RBFOX1: variants seen among roughly 807,000 people sequenced by gnomAD.
The protein encoded by RBFOX1 is RNA binding fox-1 homolog 1, also known as RNA binding protein fox-1 homolog 1.
In RBFOX1, 8 loss-of-function variants were observed where a neutral mutation model predicts 57.7. The ratio of observed to expected loss-of-function variants is 0.14; its 90% CI spans 0.08 to 0.25. The LOEUF (loss-of-function observed/expected upper bound fraction) is 0.25. RBFOX1 is among the 10% of genes least tolerant of loss of function. The pLI is 1.00. For synonymous variants in RBFOX1, 326 were observed against 222.4 expected (o/e 1.47, Z -4.15); for missense variants, 611 against 548.5 (o/e 1.11, Z -1.14).
intron 3 of RBFOX1, among the ~76,000 whole-genome samples, chr16:5,800,213 G>T (rs1356075934): frequency 6.6e-6 from 1 of 152,166 alleles, no homozygotes; most frequent in Non-Finnish European, 1.5e-5. Context: ...ATACACCCAA[G>T]GGCCACAGGT....
In RBFOX1 at chr16:7,081,729, A is replaced by C. The variant is rs564535434; in HGVS notation, c.27+29631A>C. Among the ~76,000 whole-genome samples, 4 of 152,280 alleles carry C rather than the reference A, an allele frequency of 2.6e-5. No individual in the cohort carries two copies. In the East Asian group the frequency reaches 7.7e-4, roughly 29 times the overall value. On this transcript the variant is annotated intron_variant, in intron 4 of 15. Transcript: ENST00000550418. Reference sequence around the variant, plus strand: ...TTATTTTAAATATTTCATAATGAGTAATTTTTTAAAATTATACTGATCACC... The same window carrying C: ...TTATTTTAAATATTTCATAATGAGTCATTTTTTAAAATTATACTGATCACC...
At chr16:6,468,595 G>A (rs1292291808) in intron 2 of RBFOX1, among the ~76,000 whole-genome samples, 1 of 151,316 alleles carries the variant, frequency 6.6e-6, no homozygotes, top group Admixed American at 6.6e-5. Context: ...ATTCTCATCT[G>A]TTAAGTAGCC....
chr16:7,165,370 C>G (rs891568876), intron 4 of RBFOX1, among the ~76,000 whole-genome samples: 1 of 130,082 alleles, frequency 7.7e-6, no homozygotes, highest in Non-Finnish European at 1.6e-5. Flanking sequence ...ACTAGAGGCC[C>G]AGATCATAAC....
intron 4 of RBFOX1, among the ~76,000 whole-genome samples, chr16:7,454,647 A>T (rs1312657101): frequency 6.6e-6 from 1 of 152,244 alleles, no homozygotes; most frequent in African/African-American, 2.4e-5. Context: ...CTCTATCTAC[A>T]GGATAGCAAA....
At chr16:6,717,610 G>A (rs1237383221) in intron 3 of RBFOX1, among the ~76,000 whole-genome samples, 3 of 151,042 alleles carry the variant, frequency 2.0e-5, no homozygotes, top group Admixed American at 1.3e-4. Flanking sequence ...CCAGAAATAC[G>A]GTGATTTTTT....
chr16:6,502,929 A>T (rs2095980147), intron 2 of RBFOX1, among the ~76,000 whole-genome samples: 1 of 152,204 alleles, frequency 6.6e-6, no homozygotes, highest in East Asian at 1.9e-4. Flanking sequence ...TAGCCACTTA[A>T]AGGATGAAGT....
intron 2 of RBFOX1, among the ~76,000 whole-genome samples, chr16:6,612,939 T>C (rs1318997972): frequency 6.6e-6 from 1 of 151,742 alleles, no homozygotes; most frequent in East Asian, 1.9e-4. Flanking sequence ...CAAATTCAGT[T>C]TGACAAACAA....
At chr16:6,802,187 C>A (rs950261445) in intron 3 of RBFOX1, among the ~76,000 whole-genome samples, 2 of 152,016 alleles carry the variant, frequency 1.3e-5, no homozygotes, top group African/African-American at 2.4e-5. Context: ...TGGTTGCATC[C>A]CAGCCTTTGT....
chr16:6,266,975 A>G (rs1412448644), intron 1 of RBFOX1, among the ~76,000 whole-genome samples: 1 of 152,204 alleles, frequency 6.6e-6, no homozygotes, highest in African/African-American at 2.4e-5. Context: ...GACTGAAAGC[A>G]AATGGAGCAG....
chr16:6,010,132 C>T (rs945435354), intron 4 of RBFOX1, among the ~76,000 whole-genome samples: 1 of 152,118 alleles, frequency 6.6e-6, no homozygotes, highest in African/African-American at 2.4e-5. Flanking sequence ...TGCCCCACAC[C>T]TCGTATCCCC....
At chr16:6,779,497 C>G (rs1166170549) in intron 3 of RBFOX1, among the ~76,000 whole-genome samples, 1 of 151,304 alleles carries the variant, frequency 6.6e-6, no homozygotes, top group African/African-American at 2.4e-5. Context: ...CATATCTCTT[C>G]TATACACTAA....
At chr16:6,878,024 G>A (rs969204158) in intron 3 of RBFOX1, among the ~76,000 whole-genome samples, 24 of 152,232 alleles carry the variant, frequency 1.6e-4, no homozygotes, top group African/African-American at 5.5e-4. Context: ...TAAGGATGTT[G>A]TTGCCTCTAA....
intron 5 of RBFOX1, among the ~76,000 whole-genome samples, chr16:7,532,440 C>T (rs2080345401): frequency 6.6e-6 from 1 of 152,132 alleles, no homozygotes; most frequent in African/African-American, 2.4e-5. Context: ...GGAATTTTTC[C>T]TCTTTTGAGA....
At chr16:5,606,485 C>G (rs185835514) in intron 3 of RBFOX1, among the ~76,000 whole-genome samples, 1 of 152,036 alleles carries the variant, frequency 6.6e-6, no homozygotes, top group African/African-American at 2.4e-5. Flanking sequence ...TTCTCTCTCA[C>G]TCACCTCCTC....
intron 4 of RBFOX1, among the ~76,000 whole-genome samples, chr16:7,106,349 C>G (rs943803088): frequency 3.3e-5 from 5 of 152,086 alleles, no homozygotes; most frequent in African/African-American, 1.2e-4. Context: ...AATGGTGAAG[C>G]TAGTTGAGAA....
intron 4 of RBFOX1, among the ~76,000 whole-genome samples, chr16:7,431,066 C>G (rs1166980946): frequency 6.6e-6 from 1 of 152,204 alleles, no homozygotes; most frequent in Non-Finnish European, 1.5e-5. Flanking sequence ...TACTAAGGCA[C>G]AGGCAGCACC....
intron 4 of RBFOX1, among the ~76,000 whole-genome samples, chr16:7,266,216 C>T (rs890400201): frequency 1.6e-5 from 2 of 127,932 alleles, no homozygotes; most frequent in Non-Finnish European, 3.5e-5. Context: ...ACCTCGTGAC[C>T]CGGCCGCCTC....
At chr16:7,264,700 C>A (rs1270077132) in intron 4 of RBFOX1, among the ~76,000 whole-genome samples, 1 of 152,022 alleles carries the variant, frequency 6.6e-6, no homozygotes, top group East Asian at 1.9e-4. Flanking sequence ...GGATTTTTCT[C>A]AACTTTTTTT....
intron 2 of RBFOX1, among the ~76,000 whole-genome samples, chr16:6,473,837 A>C (rs1263984169): frequency 6.6e-6 from 1 of 152,152 alleles, no homozygotes; most frequent in Non-Finnish European, 1.5e-5. Context: ...GTGATCGGTT[A>C]AGGTGCACAC....
Sources: allele counts gnomAD v4.1 joint callset (sites outside exome capture counted in the v4.1 genomes callset), GRCh38; gene constraint gnomAD v4.1.1; transcripts MANE v1.5; gene names NCBI Gene and HGNC (gene_info 2026-07-23, HGNC 2026-07-21).